NIN: variants seen among roughly 807,000 people sequenced by gnomAD.
NIN encodes the protein glycogen synthase kinase 3 beta-interacting protein.
NIN carries 137 observed loss-of-function variants against 257.6 expected under a neutral mutation model. The ratio of observed to expected loss-of-function variants is 0.53; its 90% CI spans 0.46 to 0.61. The LOEUF (loss-of-function observed/expected upper bound fraction) is 0.61, where lower values mean the gene tolerates loss of function less well. Among genes scored for constraint, NIN ranks in the 20% least tolerant of loss-of-function variants. The pLI is 0.00. For synonymous variants in NIN, 918 were observed against 919.8 expected, an observed-to-expected ratio of 1.00 and a Z score of 0.04; for missense variants, 2,439 against 2,501.2, an observed-to-expected ratio of 0.98 and a Z score of 0.53.
At chr14:50,753,780 A>G (rs1052396229) in intron 20 of NIN, among the ~76,000 whole-genome samples, 3 of 152,132 alleles carry the variant, frequency 2.0e-5, no homozygotes, top group African/African-American at 7.2e-5. Flanking sequence ...TAAATACTAG[A>G]TATCAATCTT....
chr14:50,764,631 T>A (rs965637387), intron 14 of NIN, among the ~76,000 whole-genome samples: 1 of 152,160 alleles, frequency 6.6e-6, no homozygotes, highest in African/African-American at 2.4e-5. Flanking sequence ...CAATGGAATA[T>A]TATTCAAGAA....
At chr14:50,740,279 C>G (rs1381473765) in intron 25 of NIN, among the ~76,000 whole-genome samples, 1 of 151,776 alleles carries the variant, frequency 6.6e-6, no homozygotes, top group African/African-American at 2.4e-5. Context: ...CTCCACCTCC[C>G]GGGCTCAAGC....
Position 50,758,404 on chromosome 14 carries a change from G to T in NIN, c.2626C>A (p.Leu876Met), listed in dbSNP as rs562791911. The change falls in exon 18 of 31, where the codon CTG becomes ATG. Residue 876 changes from leucine to methionine, a missense_variant. Around this residue, in one of 3 missense-constraint regions of NIN, gnomAD observed 2,043 missense variants for 2,050.2 expected, o/e 1.00. Coordinates refer to ENST00000530997, the MANE Select transcript of NIN (RefSeq NM_020921.4). ...TQECAEAQEL[L>M]KETLKREKTT... Reference sequence around the variant, plus strand: ...TTCTCTCTCTTAAGAGTCTCTTTCAGCAGCTCCTGGGCTTCCGCACACTCC... The same window carrying T: ...TTCTCTCTCTTAAGAGTCTCTTTCATCAGCTCCTGGGCTTCCGCACACTCC... 6.2e-7 allele frequency: 1 copy of T among 1,614,042 alleles called. No individual in the cohort carries two copies. The highest frequency in any genetic ancestry group is 2.2e-5 in the East Asian group (1 of 44,892).
At chr14:50,830,215 C>T (rs1299873754) in intron 2 of NIN, among the ~76,000 whole-genome samples, 1 of 152,234 alleles carries the variant, frequency 6.6e-6, no homozygotes, top group Non-Finnish European at 1.5e-5. Context: ...TGCTCTCGGT[C>T]AAAGCACAGA....
intron 4 of NIN, among the ~76,000 whole-genome samples, chr14:50,802,372 T>C (rs2044138683): frequency 6.6e-6 from 1 of 152,184 alleles, no homozygotes; most frequent in South Asian, 2.1e-4. Flanking sequence ...GAAAATAATC[T>C]AGTCCATATC....
chr14:50,732,796 C>T (rs182296437), intron 28 of NIN, among the ~76,000 whole-genome samples: 27 of 150,596 alleles, frequency 1.8e-4, no homozygotes, highest in African/African-American at 6.3e-4. Flanking sequence ...GGTGCGATCT[C>T]AGCTCACAGC....
intron 3 of NIN, among the ~76,000 whole-genome samples, chr14:50,811,087 A>G (rs2044575920): frequency 6.6e-6 from 1 of 151,474 alleles, no homozygotes; most frequent in Non-Finnish European, 1.5e-5. Context: ...GCAAGGATTC[A>G]TTAAGTGAAT....
In NIN at chr14:50,758,584, C is replaced by CTTCT; in HGVS notation, c.2442_2445dup (p.Ala816ArgfsTer7). 1 of 1,602,428 alleles carries CTTCT rather than the reference C, an allele frequency of 6.2e-7. No homozygotes were observed. Among genetic ancestry groups the CTTCT allele is most frequent in the Non-Finnish European group, 8.5e-7 (1 of 1,175,576 alleles). The stretch of plus-strand genomic sequence containing the variant: ...TTCTGACAATCAGACTGAAACTGGG[C>CTTCT]TTCTATTTGAGAGGTTCTTCTATTA... On this transcript the variant is annotated frameshift_variant, in exon 18 of 31. Transcript: ENST00000530997. LOFTEE classifies it high-confidence loss of function.
At chr14:50,765,915 T>A (rs2042465711) in intron 14 of NIN, among the ~76,000 whole-genome samples, 1 of 151,714 alleles carries the variant, frequency 6.6e-6, no homozygotes, top group Non-Finnish European at 1.5e-5. Flanking sequence ...TAGTTACATA[T>A]GTATACATGC....
chr14:50,811,942 C>T (rs1008689512), intron 3 of NIN, among the ~76,000 whole-genome samples: 1 of 127,910 alleles, frequency 7.8e-6, no homozygotes, highest in African/African-American at 3.0e-5. Flanking sequence ...TGCAGTGAGC[C>T]AAGACTCCGT....
chr14:50,720,778 G>GT lies in NIN; in HGVS notation c.*2684dup. Reference sequence around the variant, plus strand: ...GAGTACAATAGGATGAGAGAGGTGGGTTTTACTATCCACATTTTCCTTTTC... The same window carrying GT: ...GAGTACAATAGGATGAGAGAGGTGGGTTTTTACTATCCACATTTTCCTTTTC... On this transcript the variant is annotated 3_prime_UTR_variant, in exon 31 of 31. Transcript: ENST00000530997. 1 of 202,612 alleles carries GT rather than the reference G, an allele frequency of 4.9e-6. No individual in the cohort carries two copies. The highest frequency in any genetic ancestry group is 1.0e-5 in the Non-Finnish European group (1 of 98,698). 12.6% of individuals were successfully genotyped at this position (202,612 alleles called of 1,614,324 possible).
At chr14:50,782,992 G>A (rs1019394746) in intron 5 of NIN, among the ~76,000 whole-genome samples, 4 of 152,050 alleles carry the variant, frequency 2.6e-5, no homozygotes, top group African/African-American at 9.7e-5. Flanking sequence ...CACAGCCTTC[G>A]AAAGCCCAGG....
chr14:50,764,218 AATG>A (rs1267879022), intron 14 of NIN, among the ~76,000 whole-genome samples: 2 of 152,232 alleles, frequency 1.3e-5, no homozygotes, highest in African/African-American at 4.8e-5. Flanking sequence ...ATATTTCTCT[AATG>A]ATGATATACA....
At chr14:50,825,231 C>A (rs535019179) in intron 2 of NIN, among the ~76,000 whole-genome samples, 4 of 152,184 alleles carry the variant, frequency 2.6e-5, no homozygotes, top group Non-Finnish European at 5.9e-5. Flanking sequence ...GAATTATCTA[C>A]AGATCTACCT....
Position 50,735,545 on chromosome 14 carries a change from G to A in NIN, c.5848C>T (p.Gln1950Ter). Residue 1950 changes from glutamine (Q) to a stop codon, truncating the protein, a stop_gained, in exon 28 of 31, where the codon CAA becomes TAA. Transcript: ENST00000530997. LOFTEE classifies it high-confidence loss of function. The stretch of plus-strand genomic sequence containing the variant: ...ATGAGCTGCTCATCCAGTTTTACTT[G>A]TTTCTTTTTCAGGCCTTCATTTTCC... ...HLENEGLKKK[Q>*]VKLDEQLMEM... 1 of 1,613,012 alleles carries A rather than the reference G, an allele frequency of 6.2e-7. No homozygotes were observed. Among genetic ancestry groups the A allele is most frequent in the Non-Finnish European group, 8.5e-7 (1 of 1,179,936 alleles).
At chr14:50,807,134 A>G (rs1231637252) in intron 3 of NIN, among the ~76,000 whole-genome samples, 3 of 152,258 alleles carry the variant, frequency 2.0e-5, no homozygotes, top group African/African-American at 7.2e-5. Context: ...GAACAAGACC[A>G]GAAGAGAAAG....
At chr14:50,800,927 C>T (rs562175514) in intron 4 of NIN, among the ~76,000 whole-genome samples, 2 of 151,994 alleles carry the variant, frequency 1.3e-5, no homozygotes, top group South Asian at 2.1e-4. Context: ...GCATTACAAG[C>T]GTGCACCACC....
rs186259308 is a variant in NIN, at chr14:50,759,235, A to G, written c.2400-605T>C. ...CAGTTTATTAATAGCTTTTCTCAGA[A>G]AGCAACAGGATTGAACTAGGAAGGA... On this transcript the variant is annotated intron_variant, in intron 17 of 30. Coordinates refer to ENST00000530997, the MANE Select transcript of NIN (RefSeq NM_020921.4). Among the ~76,000 whole-genome samples the G allele has an allele frequency of 1.1e-4, 17 of 152,318 alleles. No individual in the cohort carries two copies. In the East Asian group the frequency reaches 3.3e-3, roughly 29 times the overall value.
chr14:50,754,976 G>T, intron 18 of NIN, 109 bp from the exon 19 acceptor site: 1 of 688,692 alleles, frequency 1.5e-6, no homozygotes, highest in South Asian at 2.1e-5. Flanking sequence ...CAGTTAAAAA[G>T]AAAAGTCTAA....
Sources: gnomAD v4.1 joint callset for allele counts (sites outside exome capture counted in the v4.1 genomes callset) on GRCh38, gnomAD v4.1.1 for gene constraint, gnomAD v4.1.1 regional missense constraint, MANE v1.5 for transcripts, NCBI Gene and HGNC (gene_info 2026-07-23, HGNC 2026-07-21) for gene names.